The following LMNA variants were observed in gnomAD, a reference collection of about 807,000 sequenced individuals.
LMNA encodes the protein lamin.
Under a neutral mutation model 70.4 loss-of-function variants are expected in LMNA, and 20 were observed. That is an observed-to-expected ratio of 0.28 (90% confidence interval 0.20 to 0.41). LMNA has a LOEUF of 0.41. Ranked by LOEUF, LMNA falls within the 10% of genes least tolerant of loss-of-function variation. The pLI is 1.00. For synonymous variants in LMNA, 339 were observed against 372.8 expected (o/e 0.91, Z 1.04); for missense variants, 652 against 917.2 (o/e 0.71, Z 3.73).
At position 156,135,609 on chromosome 1, in the gene LMNA, G is replaced by T. The variant is rs1651500912; in HGVS notation, c.937-292G>T. ...TTGCCACAGGACTCTGCAATGTGAG[G>T]TGTTAAAAGCATCAGTATTTTTCTA... On this transcript the variant is annotated intron_variant, in intron 5 of 11. Coordinates refer to ENST00000368300, the MANE Select transcript of LMNA (RefSeq NM_170707.4). This position sits in a 1 kb window ranked among gnomAD's most constrained non-coding sequence, Gnocchi z 4.8. 1.7e-6 allele frequency: 1 copy of T among 589,504 alleles called. No individual in the cohort carries two copies. Among genetic ancestry groups the T allele is most frequent in the Non-Finnish European group, 3.0e-6 (1 of 331,298 alleles). 36.5% of individuals were successfully genotyped at this position (589,504 alleles called of 1,614,324 possible).
In LMNA at chr1:156,114,996, C is replaced by A; in HGVS notation, c.78C>A (p.Ile26=). 1 of 1,599,696 alleles carries A rather than the reference C, an allele frequency of 6.3e-7. No homozygotes were observed. The highest frequency in any genetic ancestry group is 1.7e-5 in the Admixed American group (1 of 58,472). ...CCACTCCGCTGTCGCCCACCCGCAT[C>A]ACCCGGCTGCAGGAGAAGGAGGACC... The part of the protein sequence containing the change: ...ASSTPLSPTR[I]TRLQEKEDLQ... The change falls in exon 1 of 12, where the codon ATC becomes ATA. Residue 26 remains isoleucine (I), a synonymous_variant. Coordinates refer to ENST00000368300, the MANE Select transcript of LMNA (RefSeq NM_170707.4).
intron 2 of LMNA, among the ~76,000 whole-genome samples, chr1:156,084,669 T>C (rs1256303595): frequency 6.6e-6 from 1 of 152,134 alleles, no homozygotes; most frequent in African/African-American, 2.4e-5. Context: ...AAGTTTTTGC[T>C]TTGTGGACCA....
chr1:156,130,646 C>A lies in LMNA; in HGVS notation c.386C>A (p.Ala129Asp), dbSNP rs768203943. 6.2e-7 allele frequency: 1 copy of A among 1,614,072 alleles called. No homozygotes were observed. Among genetic ancestry groups the A allele is most frequent in the African/African-American group, 1.3e-5 (1 of 75,062 alleles). ...RNTKKEGDLI[A>D]AQARLKDLEA... ...ACCAAGAAGGAGGGTGACCTGATAG[C>A]TGCTCAGGCTCGGCTGAAGGACCTG... The change falls in exon 2 of 12, where the codon GCT becomes GAT. Residue 129 changes from alanine to aspartate, a missense_variant. Ala to Asp is a moderately radical substitution (Grantham distance 126, BLOSUM62 -2). This residue lies in a region of LMNA where 254 missense variants were observed against 421.9 expected (regional missense o/e 0.60). Transcript: ENST00000368300.
At chr1:156,092,232 T>A (rs1175714790) in intron 3 of LMNA, among the ~76,000 whole-genome samples, 2 of 152,026 alleles carry the variant, frequency 1.3e-5, no homozygotes, top group African/African-American at 4.8e-5. Flanking sequence ...AAAATTTTTT[T>A]TAATTAGCCA....
chr1:156,097,315 G>A (rs767122876), intron 3 of LMNA, among the ~76,000 whole-genome samples: 11 of 152,202 alleles, frequency 7.2e-5, no homozygotes, highest in East Asian at 1.9e-4. Context: ...GCTGGGGACC[G>A]GATGCCTTGT....
chr1:156,132,962 C>T (rs1651212975), intron 2 of LMNA, among the ~76,000 whole-genome samples: 1 of 151,830 alleles, frequency 6.6e-6, no homozygotes, highest in Non-Finnish European at 1.5e-5. Flanking sequence ...GCCTCAGCCT[C>T]CCGAGTAGCT....
Position 156,135,998 on chromosome 1 carries a change from T to C in LMNA, c.1034T>C (p.Met345Thr), listed in dbSNP as rs1651560077. The change falls in exon 6 of 12, where the codon ATG (methionine) becomes ACG (threonine). Residue 345 changes from methionine to threonine, a missense_variant. Physicochemically the swap from Met to Thr is moderately conservative, Grantham distance 81 (BLOSUM62 -1). Around this residue, in one of 4 missense-constraint regions of LMNA, gnomAD observed 33 missense variants for 75.3 expected, o/e 0.44. Transcript: ENST00000368300. This position sits in a 1 kb window ranked among gnomAD's most constrained non-coding sequence, Gnocchi z 4.8. ...CTGCTGGCGGAAAAGGAGCGGGAGA[T>C]GGCCGAGATGCGGGCAAGGATGCAG... ...RRLLAEKEREMAEMRARMQQQ... is the reference protein window; with the variant it reads ...RRLLAEKERETAEMRARMQQQ... The C allele has an allele frequency of 1.2e-6, 2 of 1,614,022 alleles. No homozygotes were observed. The highest frequency in any genetic ancestry group is 1.3e-5 in the African/African-American group (1 of 75,022).
In LMNA at chr1:156,114,856, A is replaced by T; in HGVS notation, c.-63A>T. 1 of 1,198,606 alleles carries T rather than the reference A, an allele frequency of 8.3e-7. No homozygotes were observed. Among genetic ancestry groups the T allele is most frequent in the Non-Finnish European group, 1.1e-6 (1 of 871,090 alleles). The allele number at this position is 1,198,606 out of a possible 1,614,324, so 74.2% of individuals were successfully genotyped here. ...GACTCCGAGCAGTCTCTGTCCTTCG[A>T]CCCGAGCCCCGCGCCCTTTCCGGGA... is the stretch of plus-strand genomic sequence containing the variant. On this transcript the variant is annotated 5_prime_UTR_variant, in exon 1 of 12. Coordinates refer to ENST00000368300, the MANE Select transcript of LMNA (RefSeq NM_170707.4).
chr1:156,116,836 T>G (rs1342400518), intron 1 of LMNA, among the ~76,000 whole-genome samples: 1 of 152,096 alleles, frequency 6.6e-6, no homozygotes, highest in Non-Finnish European at 1.5e-5. Flanking sequence ...AGTGCTAGGA[T>G]TACAGGCATG....
chr1:156,130,881 T>C, intron 2 of LMNA, 108 bp downstream of exon 2: 2 of 1,099,688 alleles, frequency 1.8e-6, no homozygotes, highest in Non-Finnish European at 2.6e-6. Flanking sequence ...TGTCACCTGA[T>C]TTCAGAGCCA....
At chr1:156,096,849 A>C (rs895137224) in intron 3 of LMNA, among the ~76,000 whole-genome samples, 2 of 152,080 alleles carry the variant, frequency 1.3e-5, no homozygotes, top group Non-Finnish European at 2.9e-5. Flanking sequence ...TGCTCATCTC[A>C]TGCCCAGGCG....
intron 3 of LMNA, among the ~76,000 whole-genome samples, chr1:156,097,672 GAGTT>G (rs1417299064): frequency 6.6e-6 from 1 of 152,240 alleles, no homozygotes; most frequent in African/African-American, 2.4e-5. Context: ...AGGAGCATGA[GAGTT>G]AGAGGATGGT....
Position 156,134,074 on chromosome 1 carries a change from T to C in LMNA, c.514-329T>C, listed in dbSNP as rs1444190458. Among the ~76,000 whole-genome samples the C allele has an allele frequency of 1.3e-5, 2 of 152,172 alleles. No homozygotes were observed. The highest frequency in any genetic ancestry group is 3.8e-4 in the East Asian group (2 of 5,198). On this transcript the variant is annotated intron_variant, in intron 2 of 11. Transcript: ENST00000368300. This position sits in a 1 kb window ranked among gnomAD's most constrained non-coding sequence, Gnocchi z 5.3. ...CTGTGTCACCCAGGCTGGAGTGCAGTAGTGCGATCTCGGCTCACTGCAACC... is the reference window on the plus strand; with the variant it reads ...CTGTGTCACCCAGGCTGGAGTGCAGCAGTGCGATCTCGGCTCACTGCAACC...
intron 2 of LMNA, among the ~76,000 whole-genome samples, chr1:156,133,487 C>T (rs574398512): frequency 4.6e-5 from 7 of 152,050 alleles, no homozygotes; most frequent in Non-Finnish European, 1.0e-4. Context: ...AGGAGAATGG[C>T]ATGAACCTGG....
chr1:156,109,152 C>A (rs1282230222), intron 3 of LMNA, among the ~76,000 whole-genome samples: 2 of 151,888 alleles, frequency 1.3e-5, no homozygotes, highest in East Asian at 3.9e-4. Flanking sequence ...TACCTAGTGC[C>A]TAATAATAAA....
In LMNA at chr1:156,115,335, C is replaced by T; in HGVS notation, c.356+61C>T. 6.9e-7 allele frequency: 1 copy of T among 1,451,244 alleles called. No homozygotes were observed. Among genetic ancestry groups the T allele is most frequent in the Non-Finnish European group, 9.4e-7 (1 of 1,064,622 alleles). The allele number at this position is 1,451,244 out of a possible 1,614,324, so 89.9% of individuals were successfully genotyped here. ...AGTGGAGAGGGCGGCGGGCCGGCGCCCCTGGCCGGCCGCAGGAAGGGAGTG... is the reference window on the plus strand; with the variant it reads ...AGTGGAGAGGGCGGCGGGCCGGCGCTCCTGGCCGGCCGCAGGAAGGGAGTG... On this transcript the variant is annotated intron_variant, in intron 1 of 11. Transcript: ENST00000368300. This position sits in a 1 kb window ranked among gnomAD's most constrained non-coding sequence, Gnocchi z 5.8.
chr1:156,090,066 G>C (rs1393925142), intron 2 of LMNA, among the ~76,000 whole-genome samples: 1 of 152,182 alleles, frequency 6.6e-6, no homozygotes, highest in Non-Finnish European at 1.5e-5. Context: ...GGAGGGGGAG[G>C]CAGTAAACAT....
chr1:156,135,360 G>A lies in LMNA; in HGVS notation c.936+48G>A, dbSNP rs764012345. 138 of 1,591,908 alleles carry A rather than the reference G, an allele frequency of 8.7e-5. No homozygotes were observed. The highest frequency in any genetic ancestry group is 1.0e-4 in the Non-Finnish European group (119 of 1,168,880). ...TCTCCAGGGGCCTAGAGTCTGGGCC[G>A]GATGCAGGCTGGAAGCCCAGGGTTG... On this transcript the variant is annotated intron_variant, in intron 5 of 11. Coordinates refer to ENST00000368300, the MANE Select transcript of LMNA (RefSeq NM_170707.4). This position sits in a 1 kb window ranked among gnomAD's most constrained non-coding sequence, Gnocchi z 4.8.
chr1:156,126,799 T>G, intron 1 of LMNA: 8 of 1,608,060 alleles, frequency 5.0e-6, no homozygotes, highest in Non-Finnish European at 6.8e-6. Context: ...AAGAGGCCAC[T>G]GGGATGCAGC....
Sources: gnomAD v4.1 joint callset for allele counts (sites outside exome capture counted in the v4.1 genomes callset) on GRCh38, gnomAD v4.1.1 for gene constraint, gnomAD v4.1.1 regional missense constraint, Gnocchi (gnomAD v3.1) non-coding constraint, MANE v1.5 for transcripts, NCBI Gene and HGNC (gene_info 2026-07-23, HGNC 2026-07-21) for gene names.